TTBK2: variants seen among roughly 807,000 people sequenced by gnomAD.
TTBK2 encodes tau tubulin kinase 2, also known as tau-tubulin kinase 2.
TTBK2 carries 28 observed loss-of-function variants against 110.8 expected under a neutral mutation model. That is an observed-to-expected ratio of 0.25 (90% confidence interval 0.19 to 0.35). The LOEUF is 0.35. Among genes scored for constraint, TTBK2 ranks in the 10% least tolerant of loss-of-function variants. TTBK2 has a pLI of 1.00. For synonymous variants in TTBK2, 532 were observed against 527.3 expected (o/e 1.01, Z -0.12); for missense variants, 1,369 against 1,500.3 (o/e 0.91, Z 1.45).
chr15:42,897,500 TAGAC>T (rs1895712063), intron 1 of TTBK2, among the ~76,000 whole-genome samples: 1 of 152,032 alleles, frequency 6.6e-6, no homozygotes, highest in East Asian at 1.9e-4. Flanking sequence ...CCTAGCCTTT[TAGAC>T]AGGGTGGGAA....
chr15:42,908,721 A>C (rs2030565082), intron 1 of TTBK2, among the ~76,000 whole-genome samples: 1 of 152,186 alleles, frequency 6.6e-6, no homozygotes, highest in African/African-American at 2.4e-5. Flanking sequence ...TATAAAAGAA[A>C]GCTGAAGATA....
rs970967069 is a variant in TTBK2 at position 42,833,424 on chromosome 15, T to C, written c.292-3346A>G. Among the ~76,000 whole-genome samples, 4 of 152,138 alleles carry C rather than the reference T, an allele frequency of 2.6e-5. No individual in the cohort carries two copies. In the South Asian group the frequency reaches 6.2e-4, roughly 24 times the overall value. On this transcript the variant is annotated intron_variant, in intron 4 of 14. Transcript: ENST00000267890. The stretch of plus-strand genomic sequence containing the variant: ...GAAAAAATAATATAATGAACCTTCA[T>C]GTATCTACTGGTCACCCAGAATTAA...
At chr15:42,794,516 C>T (rs970458169) in intron 10 of TTBK2, 128 bp downstream of exon 10, 9 of 1,285,064 alleles carry the variant, frequency 7.0e-6, no homozygotes, top group East Asian at 4.7e-5. Context: ...AATGTTAATT[C>T]GAGGAGATCC....
At chr15:42,900,242 T>G (rs2029909554) in intron 1 of TTBK2, among the ~76,000 whole-genome samples, 1 of 151,974 alleles carries the variant, frequency 6.6e-6, no homozygotes, top group Non-Finnish European at 1.5e-5. Flanking sequence ...TCTGCCTGCC[T>G]CAGCCTCCCA....
chr15:42,843,502 T>C (rs1485754951), intron 3 of TTBK2, among the ~76,000 whole-genome samples: 1 of 152,174 alleles, frequency 6.6e-6, no homozygotes, highest in Non-Finnish European at 1.5e-5. Flanking sequence ...GGCTCACGCC[T>C]GTAATCCCAG....
At chr15:42,859,420 TAC>T (rs1336381956) in intron 3 of TTBK2, among the ~76,000 whole-genome samples, 4 of 152,180 alleles carry the variant, frequency 2.6e-5, no homozygotes, top group Non-Finnish European at 4.4e-5. Flanking sequence ...CCTGGGGTTT[TAC>T]TGAAGCTTAA....
intron 13 of TTBK2, among the ~76,000 whole-genome samples, chr15:42,760,038 G>A (rs2062001457): frequency 6.6e-6 from 1 of 152,118 alleles, no homozygotes; most frequent in African/African-American, 2.4e-5. Flanking sequence ...ATTTCAATGA[G>A]AAATTCAACA....
chr15:42,789,954 T>A (rs1456245682), intron 10 of TTBK2, among the ~76,000 whole-genome samples: 1 of 152,026 alleles, frequency 6.6e-6, no homozygotes, highest in Non-Finnish European at 1.5e-5. Flanking sequence ...TAAATACTGC[T>A]GCAGTGAACA....
At chr15:42,804,783 T>C (rs1891386774) in intron 9 of TTBK2, among the ~76,000 whole-genome samples, 1 of 152,232 alleles carries the variant, frequency 6.6e-6, no homozygotes, top group Admixed American at 6.5e-5. Context: ...TAAAGTAAGC[T>C]GGCTGCAGAC....
chr15:42,781,824 C>A (rs998454634), intron 11 of TTBK2, among the ~76,000 whole-genome samples: 1 of 151,964 alleles, frequency 6.6e-6, no homozygotes, highest in Admixed American at 6.6e-5. Context: ...CCTAAGACAG[C>A]GGTTACCTCA....
Position 42,752,063 on chromosome 15 carries a change from G to A in TTBK2, c.3183C>T (p.Asn1061=), listed in dbSNP as rs372562825. Residue 1061 remains asparagine, a synonymous_variant, in exon 14 of 15, where the codon AAC becomes AAT. Coordinates refer to ENST00000267890, the MANE Select transcript of TTBK2 (RefSeq NM_173500.4). ...AAGTTGAGCTATTGACCTGATCTGTGTTGACCCATGAAACTGGCCTTGGAA... is the reference window on the plus strand; with the variant it reads ...AAGTTGAGCTATTGACCTGATCTGTATTGACCCATGAAACTGGCCTTGGAA... The part of the protein sequence containing the change: ...SKIPRPVSWV[N]TDQVNSSTSS... 1.3e-5 allele frequency: 21 copies of A among 1,614,118 alleles called. No homozygotes were observed. In the African/African-American group the frequency reaches 2.4e-4, roughly 18 times the overall value.
At chr15:42,906,450 G>T in intron 1 of TTBK2, among the ~76,000 whole-genome samples, 1 of 152,040 alleles carries the variant, frequency 6.6e-6, no homozygotes. Flanking sequence ...TATACCATTT[G>T]CATTGTTATA....
At chr15:42,833,698 C>T (rs1037223364) in intron 4 of TTBK2, among the ~76,000 whole-genome samples, 2 of 151,862 alleles carry the variant, frequency 1.3e-5, no homozygotes, top group Non-Finnish European at 2.9e-5. Context: ...CATACTGAGA[C>T]CTCATCACTA....
intron 1 of TTBK2, among the ~76,000 whole-genome samples, chr15:42,910,447 C>T (rs968286112): frequency 6.6e-6 from 1 of 152,198 alleles, no homozygotes; most frequent in African/African-American, 2.4e-5. Context: ...AGCCTAATAC[C>T]TACCATTGAA....
At chr15:42,750,841 C>T (rs985386768) in intron 14 of TTBK2, among the ~76,000 whole-genome samples, 1 of 152,146 alleles carries the variant, frequency 6.6e-6, no homozygotes, top group African/African-American at 2.4e-5. Context: ...AAGACAAAGA[C>T]AGAGAATCTT....
chr15:42,765,382 C>T (rs1223520730), intron 13 of TTBK2, among the ~76,000 whole-genome samples: 2 of 152,132 alleles, frequency 1.3e-5, no homozygotes, highest in South Asian at 2.1e-4. Flanking sequence ...AAAGATTAGA[C>T]GAATGGCTAA....
At chr15:42,800,841 G>A (rs932853408) in intron 9 of TTBK2, 9 of 570,944 alleles carry the variant, frequency 1.6e-5, no homozygotes, top group Middle Eastern at 4.4e-4. Flanking sequence ...AAACTCCCTC[G>A]CGGATGGGCT....
At chr15:42,912,138 G>A (rs2030794564) in intron 1 of TTBK2, among the ~76,000 whole-genome samples, 1 of 152,182 alleles carries the variant, frequency 6.6e-6, no homozygotes, top group Non-Finnish European at 1.5e-5. Flanking sequence ...GAATACATAG[G>A]CCTGAAAGGT....
At position 42,760,370 on chromosome 15, in the gene TTBK2, G is replaced by C. The variant is rs1369616100; in HGVS notation, c.1999-7123C>G. On this transcript the variant is annotated intron_variant, in intron 13 of 14. Coordinates refer to ENST00000267890, the MANE Select transcript of TTBK2 (RefSeq NM_173500.4). ...ACTGCACTCCAGCCTGGGTGGCAGAGTGAGACTCCATCTCAAAAAAAAAAA... is the reference window on the plus strand; with the variant it reads ...ACTGCACTCCAGCCTGGGTGGCAGACTGAGACTCCATCTCAAAAAAAAAAA... Among the ~76,000 whole-genome samples the C allele has an allele frequency of 5.0e-5, 6 of 120,046 alleles. No homozygotes were observed. In the East Asian group the frequency reaches 1.5e-3, roughly 30 times the overall value. The allele number at this position is 120,046 out of a possible 152,430, so 78.8% of individuals were successfully genotyped here. A position where few individuals can be genotyped will look rare whatever the true frequency, so the allele number is the denominator to read the frequency against.
Sources: allele counts gnomAD v4.1 joint callset (sites outside exome capture counted in the v4.1 genomes callset), GRCh38; gene constraint gnomAD v4.1.1; transcripts MANE v1.5; gene names NCBI Gene and HGNC (gene_info 2026-07-23, HGNC 2026-07-21).